ADGRL2: variants seen among roughly 807,000 people sequenced by gnomAD.
ADGRL2 encodes the protein calcium-independent alpha-latrotoxin receptor 2.
In ADGRL2, 44 loss-of-function variants were observed where a neutral mutation model predicts 157.4. The ratio of observed to expected loss-of-function variants is 0.28; its 90% confidence interval spans 0.22 to 0.36. The LOEUF is 0.36. ADGRL2 is among the 10% of genes least tolerant of loss of function. The pLI is 1.00. For synonymous variants in ADGRL2, 585 were observed against 624.7 expected, an observed-to-expected ratio of 0.94 and a Z score of 0.95; for missense variants, 1,510 against 1,768.9, an observed-to-expected ratio of 0.85 and a Z score of 2.63.
At chr1:81,390,654 A>C (rs955744800) in intron 1 of ADGRL2, among the ~76,000 whole-genome samples, 5 of 152,308 alleles carry the variant, frequency 3.3e-5, no homozygotes, top group Admixed American at 2.0e-4. Context: ...GTAGTTTTTC[A>C]TACAGAAAGG....
chr1:81,325,278 GT>G (rs1392684348), intron 1 of ADGRL2, among the ~76,000 whole-genome samples: 1 of 152,128 alleles, frequency 6.6e-6, no homozygotes, highest in Non-Finnish European at 1.5e-5. Context: ...AAGAGGGTAA[GT>G]TTCCCCTCAC....
intron 2 of ADGRL2, among the ~76,000 whole-genome samples, chr1:81,848,291 G>C (rs2092871134): frequency 6.6e-6 from 1 of 151,904 alleles, no homozygotes; most frequent in Non-Finnish European, 1.5e-5. Flanking sequence ...AGGTACCTGA[G>C]AGGTCGAAGT....
At chr1:81,318,424 G>A (rs542685041) in intron 1 of ADGRL2, among the ~76,000 whole-genome samples, 2 of 152,262 alleles carry the variant, frequency 1.3e-5, no homozygotes, top group South Asian at 2.1e-4. Flanking sequence ...CCTTAAACAA[G>A]TTATTTAATT....
intron 1 of ADGRL2, among the ~76,000 whole-genome samples, chr1:81,721,060 C>CG (rs1253655921): frequency 6.9e-6 from 1 of 143,910 alleles, no homozygotes; most frequent in Non-Finnish European, 1.5e-5. Context: ...TTAATAGAGC[C>CG]GGGGTCTTGC....
rs1036371071 is a variant in ADGRL2, at chr1:81,619,675, T to A, written c.-143+38695T>A. 1.2e-4 allele frequency among the ~76,000 whole-genome samples: 19 copies of A among 152,144 alleles called. 1 individual carries two copies. The highest frequency in any genetic ancestry group is 7.3e-5 in the Non-Finnish European group (5 of 68,028). ...ACAGTGATATGTCTTCTAAAAAGAT[T>A]ATTAATTTGTATTATTTCTATAAAT... is the stretch of plus-strand genomic sequence containing the variant. On this transcript the variant is annotated intron_variant, in intron 3 of 24. Transcript: ENST00000370721.
intron 17 of ADGRL2, among the ~76,000 whole-genome samples, chr1:81,979,125 T>C (rs1278464328): frequency 1.3e-5 from 2 of 151,788 alleles, no homozygotes; most frequent in African/African-American, 4.8e-5. Flanking sequence ...CAAGCTCATG[T>C]TGACCTCTTG....
At chr1:81,492,530 G>A (rs2078655190) in intron 2 of ADGRL2, among the ~76,000 whole-genome samples, 1 of 152,098 alleles carries the variant, frequency 6.6e-6, no homozygotes, top group Non-Finnish European at 1.5e-5. Flanking sequence ...CTAGAAAAAA[G>A]TATGCATAAA....
intron 1 of ADGRL2, among the ~76,000 whole-genome samples, chr1:81,805,151 T>C (rs2088926421): frequency 6.6e-6 from 1 of 152,122 alleles, no homozygotes; most frequent in Admixed American, 6.5e-5. Flanking sequence ...AGTTTATTTG[T>C]TCTTGCTTTT....
chr1:81,344,625 C>T (rs1427303090), intron 1 of ADGRL2, among the ~76,000 whole-genome samples: 1 of 130,992 alleles, frequency 7.6e-6, no homozygotes, highest in Non-Finnish European at 1.5e-5. Context: ...GAGATCATGC[C>T]ATTGCACTCC....
chr1:81,950,286 A>C lies in ADGRL2; in HGVS notation c.1308A>C (p.Thr436=). The stretch of plus-strand genomic sequence containing the variant: ...CTTCACAGAAAGGCCCCATGAGCAC[A>C]ACTGTAGCTGGATCACAGGAAGGAA... ...STTSQKGPMS[T]TVAGSQEGSK... The change falls in exon 7 of 24, where the codon ACA becomes ACC. Residue 436 remains threonine, a synonymous_variant. Transcript: ENST00000686636. 6.2e-7 allele frequency: 1 copy of C among 1,614,106 alleles called. No individual in the cohort carries two copies.
intron 3 of ADGRL2, among the ~76,000 whole-genome samples, chr1:81,599,050 C>A (rs1279986289): frequency 3.3e-5 from 5 of 152,150 alleles, no homozygotes; most frequent in Non-Finnish European, 7.4e-5. Flanking sequence ...GCAGAGTGGA[C>A]CTTACATTTT....
At chr1:81,978,589 GGATA>G (rs1259556890) in intron 17 of ADGRL2, among the ~76,000 whole-genome samples, 1 of 151,690 alleles carries the variant, frequency 6.6e-6, no homozygotes, top group African/African-American at 2.4e-5. Flanking sequence ...CAAAATGACT[GGATA>G]GATACACAGC....
intron 3 of ADGRL2, among the ~76,000 whole-genome samples, chr1:81,908,945 G>T (rs926283094): frequency 6.7e-6 from 1 of 148,970 alleles, no homozygotes; most frequent in Non-Finnish European, 1.5e-5. Context: ...CGTGATCTCT[G>T]CTCACTGCAG....
At chr1:81,658,712 A>C (rs1218315775) in intron 3 of ADGRL2, among the ~76,000 whole-genome samples, 1 of 151,914 alleles carries the variant, frequency 6.6e-6, no homozygotes, top group Admixed American at 6.6e-5. Context: ...TTTAATTCCT[A>C]CTGTTAATAT....
chr1:81,379,413 C>T (rs1355541223), intron 1 of ADGRL2, among the ~76,000 whole-genome samples: 1 of 152,150 alleles, frequency 6.6e-6, no homozygotes, highest in Non-Finnish European at 1.5e-5. Flanking sequence ...AGTGAGACCC[C>T]CTTCCTTATC....
At chr1:81,804,959 T>C (rs2088886716) in intron 1 of ADGRL2, among the ~76,000 whole-genome samples, 1 of 152,166 alleles carries the variant, frequency 6.6e-6, no homozygotes, top group South Asian at 2.1e-4. Context: ...AAACCTCAAA[T>C]GAACTTGACA....
intron 2 of ADGRL2, among the ~76,000 whole-genome samples, chr1:81,848,055 G>A (rs2092859522): frequency 6.6e-6 from 1 of 151,608 alleles, no homozygotes; most frequent in Non-Finnish European, 1.5e-5. Context: ...CCACTTTTTA[G>A]TATTGTATAG....
Position 81,993,019 on chromosome 1 carries a change from G to C in ADGRL2, c.*1874G>C, listed in dbSNP as rs1016719415. 6.1e-5 allele frequency among the ~76,000 whole-genome samples: 7 copies of C among 115,096 alleles called. No individual in the cohort carries two copies. The highest frequency in any genetic ancestry group is 2.5e-4 in the African/African-American group (7 of 28,302). 75.5% of individuals were successfully genotyped at this position (115,096 alleles called of 152,430 possible). ...CACACATGCCTATTGAATTTAAAAA[G>C]GAATGAGATTTAAAAATTAAGTGCA... is the stretch of plus-strand genomic sequence containing the variant. On this transcript the variant is annotated 3_prime_UTR_variant, in exon 24 of 24. Transcript: ENST00000686636.
intron 3 of ADGRL2, among the ~76,000 whole-genome samples, chr1:81,587,535 G>A (rs2081051598): frequency 6.6e-6 from 1 of 152,032 alleles, no homozygotes; most frequent in African/African-American, 2.4e-5. Flanking sequence ...ATAGCATATG[G>A]TATACAGGCT....
Sources: gnomAD v4.1 joint callset for allele counts (sites outside exome capture counted in the v4.1 genomes callset) on GRCh38, gnomAD v4.1.1 for gene constraint, MANE v1.5 for transcripts, NCBI Gene and HGNC (gene_info 2026-07-23, HGNC 2026-07-21) for gene names.